FBXL7: variants seen among roughly 807,000 people sequenced by gnomAD.
The protein encoded by FBXL7 is F-box and leucine rich repeat protein 7.
A neutral mutation model predicts 38.3 loss-of-function variants in FBXL7; 12 were observed. The observed-to-expected ratio is 0.31, with a 90% CI of 0.20 to 0.51. FBXL7 has a LOEUF of 0.51. FBXL7 is among the 20% of genes least tolerant of loss of function. The pLI is 0.98. For synonymous variants in FBXL7, 297 were observed against 300.9 expected (o/e 0.99, Z 0.13); for missense variants, 567 against 676.4 (o/e 0.84, Z 1.79).
chr5:15,548,297 A>G (rs1451715387), intron 1 of FBXL7, among the ~76,000 whole-genome samples: 1 of 152,218 alleles, frequency 6.6e-6, no homozygotes, highest in African/African-American at 2.4e-5. Flanking sequence ...TTCCAAGGTA[A>G]ACTCCTTTGA....
chr5:15,798,565 A>G (rs1419889601), intron 2 of FBXL7, among the ~76,000 whole-genome samples: 1 of 152,236 alleles, frequency 6.6e-6, no homozygotes, highest in Admixed American at 6.5e-5. Context: ...CAAAATTAAT[A>G]AGAGAGGTGA....
intron 2 of FBXL7, among the ~76,000 whole-genome samples, chr5:15,851,723 G>C (rs535972618): frequency 2.2e-4 from 33 of 151,892 alleles, no homozygotes; most frequent in African/African-American, 7.5e-4. Context: ...GTTTGGGAGG[G>C]CTAGGGAGGG....
chr5:15,650,159 A>C (rs1741659172), intron 2 of FBXL7, among the ~76,000 whole-genome samples: 1 of 152,180 alleles, frequency 6.6e-6, no homozygotes, highest in South Asian at 2.1e-4. Flanking sequence ...CTTCACGCAC[A>C]ATTGTATGAG....
intron 2 of FBXL7, among the ~76,000 whole-genome samples, chr5:15,680,600 A>T (rs979002163): frequency 4.0e-5 from 6 of 148,194 alleles, no homozygotes; most frequent in Admixed American, 4.0e-4. Flanking sequence ...TGTAAAGATG[A>T]GATGTCAGCC....
chr5:15,782,203 C>T (rs1246324270), intron 2 of FBXL7, among the ~76,000 whole-genome samples: 2 of 152,082 alleles, frequency 1.3e-5, no homozygotes, highest in Admixed American at 1.3e-4. Context: ...GTGTATGTGC[C>T]ACATTTTCTT....
At chr5:15,662,768 ATTGT>A (rs1193130380) in intron 2 of FBXL7, among the ~76,000 whole-genome samples, 16 of 151,816 alleles carry the variant, frequency 1.1e-4, no homozygotes, top group Non-Finnish European at 1.5e-5. Flanking sequence ...TCTTTTCCCT[ATTGT>A]TTGTTTTTGT....
intron 2 of FBXL7, among the ~76,000 whole-genome samples, chr5:15,715,192 C>T (rs1008468785): frequency 1.3e-5 from 2 of 152,134 alleles, no homozygotes; most frequent in Admixed American, 6.5e-5. Context: ...AAGGCTGTGA[C>T]AATTAAAAGT....
intron 1 of FBXL7, among the ~76,000 whole-genome samples, chr5:15,604,250 G>A (rs546421119): frequency 1.2e-3 from 180 of 152,304 alleles, no homozygotes; most frequent in South Asian, 3.5e-3. Flanking sequence ...TAGGAATAAT[G>A]CACAATGGAT....
chr5:15,819,078 G>C (rs1214050602), intron 2 of FBXL7, among the ~76,000 whole-genome samples: 1 of 152,134 alleles, frequency 6.6e-6, no homozygotes, highest in Non-Finnish European at 1.5e-5. Flanking sequence ...CTACATAAAG[G>C]ATTGGCCAAC....
intron 2 of FBXL7, among the ~76,000 whole-genome samples, chr5:15,654,129 C>T (rs542565874): frequency 1.4e-4 from 21 of 152,184 alleles, no homozygotes; most frequent in Non-Finnish European, 2.8e-4. Context: ...CTTACATCCC[C>T]GTAGACAGTG....
chr5:15,653,293 C>A (rs1741771456), intron 2 of FBXL7, among the ~76,000 whole-genome samples: 1 of 152,134 alleles, frequency 6.6e-6, no homozygotes, highest in Non-Finnish European at 1.5e-5. Context: ...TGCCACAAAT[C>A]TTCAATTTGT....
rs76384919 is a variant in FBXL7, at chr5:15,612,705, T to C, written c.38-3278T>C. ...AGCAATAAAAGAGCAGTCTTAAAAATGTGCCCGATACAGTCAGACTCAGTG... is the reference window on the plus strand; with the variant it reads ...AGCAATAAAAGAGCAGTCTTAAAAACGTGCCCGATACAGTCAGACTCAGTG... On this transcript the variant is annotated intron_variant, in intron 1 of 3. Transcript: ENST00000504595. 2.1e-3 allele frequency among the ~76,000 whole-genome samples: 323 copies of C among 152,274 alleles called. 1 individual carries two copies. Among genetic ancestry groups the C allele is most frequent in the African/African-American group, 7.4e-3 (309 of 41,552 alleles).
At chr5:15,814,821 A>G (rs1020773602) in intron 2 of FBXL7, among the ~76,000 whole-genome samples, 1 of 152,126 alleles carries the variant, frequency 6.6e-6, no homozygotes, top group African/African-American at 2.4e-5. Context: ...ACCCACCCCA[A>G]TTGCTTACAC....
At chr5:15,523,856 G>A (rs76205271) in intron 1 of FBXL7, among the ~76,000 whole-genome samples, 3,132 of 152,272 alleles carry the variant, frequency 0.021, 65 homozygotes, top group African/African-American at 0.055. Context: ...TGGGAAATGC[G>A]GCGTTCTGCT....
intron 2 of FBXL7, among the ~76,000 whole-genome samples, chr5:15,924,423 T>C (rs950344185): frequency 6.6e-6 from 1 of 152,126 alleles, no homozygotes; most frequent in Non-Finnish European, 1.5e-5. Context: ...GAGTTTTTAG[T>C]GTAATAGAAG....
intron 2 of FBXL7, among the ~76,000 whole-genome samples, chr5:15,766,331 T>A (rs1375848303): frequency 6.6e-6 from 1 of 152,210 alleles, no homozygotes; most frequent in Non-Finnish European, 1.5e-5. Flanking sequence ...TGCTTTGGTA[T>A]CTCTGTCTTC....
chr5:15,514,774 G>A (rs530762577), intron 1 of FBXL7, among the ~76,000 whole-genome samples: 2 of 152,320 alleles, frequency 1.3e-5, no homozygotes, highest in South Asian at 4.1e-4. Flanking sequence ...AGCCACTGAA[G>A]GTTCACAGCC....
At chr5:15,546,927 CAAATT>C (rs1176885122) in intron 1 of FBXL7, among the ~76,000 whole-genome samples, 2 of 152,052 alleles carry the variant, frequency 1.3e-5, no homozygotes, top group Non-Finnish European at 2.9e-5. Context: ...AATCACAAAA[CAAATT>C]GAAAGTCAGG....
At chr5:15,713,885 C>G (rs555495710) in intron 2 of FBXL7, among the ~76,000 whole-genome samples, 1 of 152,134 alleles carries the variant, frequency 6.6e-6, no homozygotes, top group Non-Finnish European at 1.5e-5. Flanking sequence ...CTTAGCTGTA[C>G]TTGATTTTGT....
Sources: allele counts gnomAD v4.1 joint callset (sites outside exome capture counted in the v4.1 genomes callset), GRCh38; gene constraint gnomAD v4.1.1; transcripts MANE v1.5; gene names NCBI Gene and HGNC (gene_info 2026-07-23, HGNC 2026-07-21).